OCA2: variants seen among roughly 807,000 people sequenced by gnomAD.
The protein encoded by OCA2 is P protein.
OCA2 carries 77 observed loss-of-function variants against 100.2 expected under a neutral mutation model. That is an observed-to-expected ratio of 0.77 (90% confidence interval 0.64 to 0.93). The LOEUF (loss-of-function observed/expected upper bound fraction) is 0.93. Ranked by LOEUF, OCA2 falls within the 40% of genes least tolerant of loss-of-function variation. The probability of loss-of-function intolerance (pLI) is 0.00; values close to 1 mark genes in which losing one functional copy is unlikely to be tolerated. For missense variants in OCA2, 1,062 were observed against 1,089.1 expected, an observed-to-expected ratio of 0.98 and a Z score of 0.35; for synonymous variants, 432 against 439.2, an observed-to-expected ratio of 0.98 and a Z score of 0.21.
intron 14 of OCA2, among the ~76,000 whole-genome samples, chr15:27,974,124 A>G (rs1234531703): frequency 6.6e-6 from 1 of 152,190 alleles, no homozygotes; most frequent in East Asian, 1.9e-4. Context: ...ATCAGTGGCA[A>G]ACAGACATAG....
intron 23 of OCA2, among the ~76,000 whole-genome samples, chr15:27,779,067 C>T (rs1484076366): frequency 6.6e-6 from 1 of 152,224 alleles, no homozygotes; most frequent in Non-Finnish European, 1.5e-5. Context: ...CATTAAAGTA[C>T]TGGAGTTTCC....
intron 18 of OCA2, among the ~76,000 whole-genome samples, chr15:27,938,927 C>T (rs900016710): frequency 1.3e-5 from 2 of 152,174 alleles, no homozygotes; most frequent in African/African-American, 4.8e-5. Context: ...AGCTCACATA[C>T]AACTGCCGTG....
intron 23 of OCA2, among the ~76,000 whole-genome samples, chr15:27,757,457 T>A (rs2030475394): frequency 6.6e-6 from 1 of 152,172 alleles, no homozygotes; most frequent in African/African-American, 2.4e-5. Flanking sequence ...TTGCATATAG[T>A]AGGGAACTTG....
chr15:28,075,737 T>C (rs2044407925), intron 2 of OCA2, among the ~76,000 whole-genome samples: 1 of 152,030 alleles, frequency 6.6e-6, no homozygotes, highest in Non-Finnish European at 1.5e-5. Flanking sequence ...CACTCAGCAA[T>C]AAAAAGAAAC....
intron 9 of OCA2, among the ~76,000 whole-genome samples, chr15:28,000,614 G>A (rs1296437352): frequency 1.3e-5 from 2 of 152,032 alleles, no homozygotes; most frequent in Non-Finnish European, 2.9e-5. Flanking sequence ...TAAACAAGTG[G>A]AACCATATCA....
chr15:27,730,658 A>T, the OCA2 span, among the ~76,000 whole-genome samples: 2 of 150,648 alleles, frequency 1.3e-5, no homozygotes, highest in African/African-American at 4.9e-5. Context: ...ATTAGCATGC[A>T]AAAAACACTG....
chr15:27,946,351 C>T (rs533351171), intron 18 of OCA2, among the ~76,000 whole-genome samples: 10 of 152,260 alleles, frequency 6.6e-5, no homozygotes, highest in African/African-American at 2.2e-4. Flanking sequence ...AAAGCGAAAA[C>T]CTAACTTAAT....
intron 2 of OCA2, among the ~76,000 whole-genome samples, chr15:28,075,562 C>G (rs1467063639): frequency 6.6e-6 from 1 of 152,188 alleles, no homozygotes; most frequent in Non-Finnish European, 1.5e-5. Context: ...TCAGCAATCT[C>G]ATTCTTAGGC....
chr15:27,841,497 G>A (rs1308913667), intron 23 of OCA2, among the ~76,000 whole-genome samples: 1 of 152,130 alleles, frequency 6.6e-6, no homozygotes, highest in African/African-American at 2.4e-5. Flanking sequence ...AACTGCACAT[G>A]AATCTACAAT....
the OCA2 span, among the ~76,000 whole-genome samples, chr15:27,722,839 T>TC: frequency 6.6e-6 from 1 of 150,756 alleles, no homozygotes; most frequent in South Asian, 2.1e-4. Flanking sequence ...TCTTTCTCTC[T>TC]TTCTCTCTTT....
At chr15:27,804,954 A>AC (rs2033767194) in intron 23 of OCA2, among the ~76,000 whole-genome samples, 1 of 152,136 alleles carries the variant, frequency 6.6e-6, no homozygotes, top group South Asian at 2.1e-4. Flanking sequence ...ACTATGGCAG[A>AC]CCCCCGCTGG....
At chr15:27,770,578 G>C (rs1031171844) in intron 23 of OCA2, among the ~76,000 whole-genome samples, 1 of 151,232 alleles carries the variant, frequency 6.6e-6, no homozygotes. Context: ...GGGCGCGCAC[G>C]GTGCCCAGCG....
At chr15:27,867,845 C>T (rs2036385861) in intron 21 of OCA2, among the ~76,000 whole-genome samples, 1 of 152,218 alleles carries the variant, frequency 6.6e-6, no homozygotes, top group Non-Finnish European at 1.5e-5. Flanking sequence ...ATTTCATCTC[C>T]TTTGCTGCAG....
intron 18 of OCA2, among the ~76,000 whole-genome samples, chr15:27,943,728 C>T (rs1050904817): frequency 1.3e-5 from 2 of 151,032 alleles, no homozygotes; most frequent in Non-Finnish European, 2.9e-5. Flanking sequence ...AACCCAGGCT[C>T]TTCTTTCTAT....
chr15:27,766,046 G>T (rs2031234500), intron 23 of OCA2, among the ~76,000 whole-genome samples: 1 of 152,138 alleles, frequency 6.6e-6, no homozygotes, highest in Admixed American at 6.5e-5. Flanking sequence ...AGTCGCTCTG[G>T]TTCAGACAGC....
intron 2 of OCA2, among the ~76,000 whole-genome samples, chr15:28,080,761 A>G (rs2044595883): frequency 6.6e-6 from 1 of 152,240 alleles, no homozygotes; most frequent in South Asian, 2.1e-4. Context: ...GGCCCAACAA[A>G]GACAGTCAGA....
rs530020436 is a variant in OCA2, at chr15:27,759,695, G to C, written c.2433-4223C>G. On this transcript the variant is annotated intron_variant, in intron 23 of 23. Transcript: ENST00000354638. ...AACAAAAACTGACAAAATGACAAGA[G>C]AAAGTAAATGACAAGAGAAAGTGGC... Among the ~76,000 whole-genome samples, 134 of 151,944 alleles carry C rather than the reference G, an allele frequency of 8.8e-4. 1 individual carries two copies. Among genetic ancestry groups the C allele is most frequent in the African/African-American group, 3.0e-3 (126 of 41,462 alleles).
At position 27,801,055 on chromosome 15, in the gene OCA2, A is replaced by ATT. The variant is rs1374337340; in HGVS notation, c.2432+43903_2432+43904insAA. Among the ~76,000 whole-genome samples the ATT allele has an allele frequency of 2.0e-5, 3 of 152,296 alleles. No individual in the cohort carries two copies. The East Asian group carries it at 5.8e-4, about 29-fold the overall frequency. ...GGGTTTGACTGGTGAATTGTACCAAACATATAAGGTTGAAATTATAGTAAT... is the reference window on the plus strand; with the variant it reads ...GGGTTTGACTGGTGAATTGTACCAAATTCATATAAGGTTGAAATTATAGTAAT... On this transcript the variant is annotated intron_variant, in intron 23 of 23. Transcript: ENST00000354638.
At chr15:27,809,484 A>G (rs2151211672) in intron 23 of OCA2, among the ~76,000 whole-genome samples, 1 of 152,316 alleles carries the variant, frequency 6.6e-6, no homozygotes, top group African/African-American at 2.4e-5. Flanking sequence ...CTCTCTCTCA[A>G]CACTCCTATT....
Sources: gnomAD v4.1 joint callset for allele counts (sites outside exome capture counted in the v4.1 genomes callset) on GRCh38, gnomAD v4.1.1 for gene constraint, MANE v1.5 for transcripts, NCBI Gene and HGNC (gene_info 2026-07-23, HGNC 2026-07-21) for gene names.